Variants in CDIN1 observed in about 807,000 individuals in gnomAD.
The protein encoded by CDIN1 is CDAN1-interacting nuclease 1.
In CDIN1, 33 loss-of-function variants were observed where a neutral mutation model predicts 45.3. That is an observed-to-expected ratio of 0.73 (90% CI 0.55 to 0.97). The LOEUF is 0.97. Among genes scored for constraint, CDIN1 ranks in the 50% least tolerant of loss-of-function variants. The probability of loss-of-function intolerance (pLI) is 0.00; values close to 1 mark genes in which losing one functional copy is unlikely to be tolerated. For synonymous variants in CDIN1, 118 were observed against 124.4 expected (o/e 0.95, Z 0.34); for missense variants, 303 against 339.4 (o/e 0.89, Z 0.84).
At chr15:36,794,100 C>T (rs1318481002) in intron 10 of CDIN1, among the ~76,000 whole-genome samples, 1 of 137,344 alleles carries the variant, frequency 7.3e-6, no homozygotes, top group Admixed American at 8.5e-5. Flanking sequence ...GCTCTGTCAC[C>T]CAGGCTGGAG....
At chr15:36,688,504 T>C (rs1159805696) in intron 5 of CDIN1, among the ~76,000 whole-genome samples, 2 of 152,218 alleles carry the variant, frequency 1.3e-5, no homozygotes, top group South Asian at 2.1e-4. Context: ...TCCTGCTTTA[T>C]ACATACTTTG....
Position 36,586,052 on chromosome 15 carries a change from T to C in CDIN1, c.101+6091T>C, listed in dbSNP as rs1304173644. Among the ~76,000 whole-genome samples, 5 of 152,212 alleles carry C rather than the reference T, an allele frequency of 3.3e-5. No individual in the cohort carries two copies. The East Asian group carries it at 9.6e-4, about 29-fold the overall frequency. ...TACTCATAAACTCTGTTCCAGAAAC[T>C]GCCTAGTTGACAAAGTCTGACCAAC... On this transcript the variant is annotated intron_variant, in intron 1 of 10. Transcript: ENST00000566621.
In CDIN1 at chr15:36,809,310, CGAGTT is replaced by C. The variant is rs1250448493; in HGVS notation, c.*858_*862del. Reference sequence around the variant, plus strand: ...TACGTGAGCTAGTATTTTTATGAGTCGAGTTTTTTAAAGGCACATTCTGTATACTG... The same window carrying C: ...TACGTGAGCTAGTATTTTTATGAGTCTTTTAAAGGCACATTCTGTATACTG... On this transcript the variant is annotated 3_prime_UTR_variant, in exon 11 of 11. Transcript: ENST00000566621. The C allele has an allele frequency of 9.8e-5, 18 of 183,976 alleles. No individual in the cohort carries two copies. The allele number at this position is 183,976 out of a possible 1,614,324, so 11.4% of individuals were successfully genotyped here.
chr15:36,739,529 C>G (rs2044158045), intron 10 of CDIN1, among the ~76,000 whole-genome samples: 1 of 152,154 alleles, frequency 6.6e-6, no homozygotes, highest in South Asian at 2.1e-4. Flanking sequence ...AGAAATAATA[C>G]CAACTTAAAG....
chr15:36,728,551 T>C (rs1313102718), intron 10 of CDIN1, among the ~76,000 whole-genome samples: 14 of 89,234 alleles, frequency 1.6e-4, no homozygotes, highest in African/African-American at 7.2e-4. Flanking sequence ...TTTTTCTTCC[T>C]TTTTTTTTTT....
At chr15:36,712,663 A>G (rs928002951) in intron 10 of CDIN1, among the ~76,000 whole-genome samples, 5 of 152,182 alleles carry the variant, frequency 3.3e-5, no homozygotes, top group African/African-American at 1.2e-4. Context: ...TTTATAGTAA[A>G]TTGATATTCT....
At chr15:36,792,444 T>C (rs2054668489) in intron 10 of CDIN1, among the ~76,000 whole-genome samples, 1 of 152,110 alleles carries the variant, frequency 6.6e-6, no homozygotes, top group Middle Eastern at 3.2e-3. Flanking sequence ...CCCGCAGACT[T>C]CTCAAAAAAT....
chr15:36,699,384 C>G (rs527560322), intron 8 of CDIN1, among the ~76,000 whole-genome samples: 6 of 152,050 alleles, frequency 3.9e-5, no homozygotes, highest in Non-Finnish European at 8.8e-5. Flanking sequence ...TTAAAGCCAA[C>G]TATGGAAAAA....
At chr15:36,603,732 T>C (rs11856784) in intron 1 of CDIN1, among the ~76,000 whole-genome samples, 14,485 of 152,252 alleles carry the variant, frequency 0.095, 764 homozygotes, top group Middle Eastern at 0.13. Context: ...AAGGGACTTA[T>C]ACTTACTGTA....
At position 36,700,389 on chromosome 15, in the gene CDIN1, C is replaced by T. The variant is rs149800657; in HGVS notation, c.544+2999C>T. 3.4e-4 allele frequency among the ~76,000 whole-genome samples: 52 copies of T among 152,058 alleles called. No individual in the cohort carries two copies. The East Asian group carries it at 9.1e-3, about 27-fold the overall frequency. Reference sequence around the variant, plus strand: ...TTAGTAGGTGCTCACATGATTGTCTCGATAATGAAAATAAAAACTCAAGGC... The same window carrying T: ...TTAGTAGGTGCTCACATGATTGTCTTGATAATGAAAATAAAAACTCAAGGC... On this transcript the variant is annotated intron_variant, in intron 8 of 10. Transcript: ENST00000566621.
rs1159705383 is a variant in CDIN1 at position 36,700,032 on chromosome 15, A to G, written c.544+2642A>G. 3.3e-5 allele frequency among the ~76,000 whole-genome samples: 5 copies of G among 152,246 alleles called. No homozygotes were observed. The East Asian group carries it at 9.6e-4, about 29-fold the overall frequency. On this transcript the variant is annotated intron_variant, in intron 8 of 10. Coordinates refer to ENST00000566621, the MANE Select transcript of CDIN1 (RefSeq NM_001321759.2). ...TTCCACAAATAAGTTACTAAGTTGG[A>G]TACTGTTTTAGACACTAGATAAGTC...
chr15:36,598,801 T>C (rs1411808108), intron 1 of CDIN1, among the ~76,000 whole-genome samples: 2 of 152,102 alleles, frequency 1.3e-5, no homozygotes, highest in Non-Finnish European at 2.9e-5. Flanking sequence ...ATATTAGCTT[T>C]AGTGAGTTTT....
rs2055302267 is a variant in CDIN1 at position 36,808,433 on chromosome 15, T to G, written c.826T>G (p.Leu276Val). 1 of 1,613,500 alleles carries G rather than the reference T, an allele frequency of 6.2e-7. No homozygotes were observed. The highest frequency in any genetic ancestry group is 1.3e-5 in the African/African-American group (1 of 75,032). The change falls in exon 11 of 11, where the codon TTA becomes GTA. Residue 276 changes from leucine to valine, a missense_variant. Coordinates refer to ENST00000566621, the MANE Select transcript of CDIN1 (RefSeq NM_001321759.2). ...CTGTTTCCCCACGAACATTGTCACC[T>G]TATGCCACAGCATAGCTTGACCCTG... ...KACFPTNIVT[L>V]CHSIA is the part of the protein sequence containing the mutation.
intron 1 of CDIN1, among the ~76,000 whole-genome samples, chr15:36,598,247 C>A (rs771780784): frequency 6.6e-6 from 1 of 152,204 alleles, no homozygotes; most frequent in South Asian, 2.1e-4. Context: ...CCACCTCCGC[C>A]TCCCAAAGTG....
intron 10 of CDIN1, among the ~76,000 whole-genome samples, chr15:36,769,146 C>T (rs2054001732): frequency 6.6e-6 from 1 of 152,184 alleles, no homozygotes; most frequent in Non-Finnish European, 1.5e-5. Flanking sequence ...TTGGTTAGCG[C>T]ATTACATTTA....
intron 10 of CDIN1, among the ~76,000 whole-genome samples, chr15:36,795,701 ATTATTAT>A (rs1457761837): frequency 6.6e-6 from 1 of 151,200 alleles, no homozygotes; most frequent in Non-Finnish European, 1.5e-5. Flanking sequence ...ATTTATTTTT[ATTATTAT>A]TTATTATTTT....
intron 1 of CDIN1, among the ~76,000 whole-genome samples, chr15:36,581,370 T>C (rs1418463913): frequency 2.6e-5 from 4 of 152,232 alleles, no homozygotes; most frequent in Non-Finnish European, 5.9e-5. Context: ...GTCTTCTCTA[T>C]AATAAGTAAG....
chr15:36,764,859 C>A (rs1235505219), intron 10 of CDIN1, among the ~76,000 whole-genome samples: 1 of 152,074 alleles, frequency 6.6e-6, no homozygotes, highest in African/African-American at 2.4e-5. Flanking sequence ...CCCTTCTTTG[C>A]CATTTGCTGC....
intron 1 of CDIN1, among the ~76,000 whole-genome samples, chr15:36,589,669 C>T (rs1424805349): frequency 1.3e-5 from 2 of 152,150 alleles, no homozygotes; most frequent in African/African-American, 4.8e-5. Context: ...CCACGCCCGG[C>T]TAATTTTTGT....
Sources: gnomAD v4.1 joint callset for allele counts (sites outside exome capture counted in the v4.1 genomes callset) on GRCh38, gnomAD v4.1.1 for gene constraint, MANE v1.5 for transcripts, NCBI Gene and HGNC (gene_info 2026-07-23, HGNC 2026-07-21) for gene names.